AOX1: variants seen among roughly 807,000 people sequenced by gnomAD.
The protein encoded by AOX1 is aldehyde oxidase 1, also known as aldehyde oxidase.
In AOX1, 153 loss-of-function variants were observed where a neutral mutation model predicts 169.5. That is an observed-to-expected ratio of 0.90 (90% confidence interval 0.79 to 1.03). The LOEUF (loss-of-function observed/expected upper bound fraction) is 1.03, where lower values mean the gene tolerates loss of function less well. AOX1 is among the 50% of genes least tolerant of loss of function. The probability of loss-of-function intolerance (pLI) is 0.00; values close to 1 mark genes in which losing one functional copy is unlikely to be tolerated. For synonymous variants in AOX1, 562 were observed against 581.9 expected (o/e 0.97, Z 0.49); for missense variants, 1,656 against 1,663.9 (o/e 1.00, Z 0.08).
chr2:200,674,547 T>C (rs923672005), downstream of AOX1, among the ~76,000 whole-genome samples: 11 of 152,314 alleles, frequency 7.2e-5, no homozygotes, highest in Non-Finnish European at 5.9e-5. Flanking sequence ...AAGCTCCCAC[T>C]GTGAAAGATT....
intron 26 of AOX1, among the ~76,000 whole-genome samples, chr2:200,653,704 T>G (rs1389012940): frequency 6.6e-6 from 1 of 152,202 alleles, no homozygotes; most frequent in Non-Finnish European, 1.5e-5. Context: ...GCACTCTGCT[T>G]TATTGCACTT....
Position 200,668,796 on chromosome 2 carries a change from C to T in AOX1, c.3791C>T (p.Ser1264Leu), listed in dbSNP as rs1031719399. The part of the protein sequence containing the change: ...PPSQNSNTLY[S>L]SKGLGESGVF... ...TCTCAAAACTCAAATACTCTTTATT[C>T]ATCTAAGGTAAGTAATGTTCTATGG... Residue 1264 changes from serine (S) to leucine (L), a missense_variant, in exon 33 of 35, where the codon TCA (serine) becomes TTA (leucine). Transcript: ENST00000374700. 8 of 1,613,668 alleles carry T rather than the reference C, an allele frequency of 5.0e-6. No homozygotes were observed. The highest frequency in any genetic ancestry group is 5.9e-6 in the Non-Finnish European group (7 of 1,179,770).
At position 200,613,447 on chromosome 2, in the gene AOX1, C is replaced by T. The variant is rs1179332720; in HGVS notation, c.1449-357C>T. On this transcript the variant is annotated intron_variant, in intron 14 of 34. Coordinates refer to ENST00000374700, the MANE Select transcript of AOX1 (RefSeq NM_001159.4). The stretch of plus-strand genomic sequence containing the variant: ...GTTGAGAGGATTAAATGAGTGAATA[C>T]ATATAAGGTGCTAAAAGCAGATCTT... Among the ~76,000 whole-genome samples, 3 of 152,108 alleles carry T rather than the reference C, an allele frequency of 2.0e-5. No homozygotes were observed. In the East Asian group the frequency reaches 5.8e-4, roughly 29 times the overall value.
At chr2:200,657,190 A>ATATATATATATATATATTTTTT in intron 27 of AOX1, among the ~76,000 whole-genome samples, 137 of 62,822 alleles carry the variant, frequency 2.2e-3, no homozygotes, top group Non-Finnish European at 3.1e-3. Flanking sequence ...ATATATATAT[A>ATATATATATATATATATTTTTT]TTTTTTTTTT....
At chr2:200,644,345 C>T (rs1049510409) in intron 25 of AOX1, among the ~76,000 whole-genome samples, 3 of 152,036 alleles carry the variant, frequency 2.0e-5, no homozygotes, top group African/African-American at 4.8e-5. Context: ...CGTTTTTGTT[C>T]GCTTTGTCAA....
intron 12 of AOX1, among the ~76,000 whole-genome samples, chr2:200,609,637 T>C (rs923502456): frequency 2.0e-5 from 3 of 152,166 alleles, no homozygotes; most frequent in Non-Finnish European, 4.4e-5. Context: ...TTTTTCCTCA[T>C]ACTGGTCACC....
intron 21 of AOX1, among the ~76,000 whole-genome samples, chr2:200,636,668 T>C (rs2035240025): frequency 6.6e-6 from 1 of 152,214 alleles, no homozygotes; most frequent in Non-Finnish European, 1.5e-5. Context: ...AGCCAAGTAT[T>C]GCTGAGATCA....
At chr2:200,609,450 G>C (rs2034586455) in intron 12 of AOX1, 36 bp downstream of exon 12, 1 of 1,563,234 alleles carries the variant, frequency 6.4e-7, no homozygotes. Context: ...TTATTAAGCT[G>C]TTTCTCTACC....
At chr2:200,629,751 T>C (rs2470898) in intron 20 of AOX1, among the ~76,000 whole-genome samples, 152,282 of 152,284 alleles carry the variant, frequency 1, 76,140 homozygotes, top group Non-Finnish European at 1. Context: ...GGTTCCTTGT[T>C]TCATGTTTGT....
Position 200,659,789 on chromosome 2 carries a change from C to CACACACAT in AOX1, c.3301-199_3301-198insTACACACA, listed in dbSNP as rs1470567004. ...CTTACAAGGCCAGTTCTCTCTCTCA[C>CACACACAT]ACACACACACACACACACACACACA... On this transcript the variant is annotated intron_variant, in intron 28 of 34. Coordinates refer to ENST00000374700, the MANE Select transcript of AOX1 (RefSeq NM_001159.4). 6.2e-3 allele frequency among the ~76,000 whole-genome samples: 447 copies of CACACACAT among 72,462 alleles called. 3 individuals carry two copies. Among genetic ancestry groups the CACACACAT allele is most frequent in the African/African-American group, 0.016 (338 of 20,864 alleles). 47.5% of individuals were successfully genotyped at this position (72,462 alleles called of 152,430 possible).
At chr2:200,586,741 G>A (rs2034042656) in intron 1 of AOX1, among the ~76,000 whole-genome samples, 1 of 152,194 alleles carries the variant, frequency 6.6e-6, no homozygotes, top group Admixed American at 6.5e-5. Flanking sequence ...CAGGCTCTGG[G>A]GGCTCCAAGG....
Position 200,620,770 on chromosome 2 carries a change from G to A in AOX1, c.1825G>A (p.Glu609Lys). The A allele has an allele frequency of 1.2e-6, 2 of 1,609,152 alleles. No individual in the cohort carries two copies. Among genetic ancestry groups the A allele is most frequent in the Non-Finnish European group, 1.7e-6 (2 of 1,178,538 alleles). Reference protein sequence around the residue: ...YCDDMPLVDQELFLTFVTSSR... With the variant: ...YCDDMPLVDQKLFLTFVTSSR... ...TGATGACATGCCTCTGGTGGACCAG[G>A]AACTTTTCTTGACTTTTGTGACTAG... The change falls in exon 17 of 35, where the codon GAA becomes AAA. Residue 609 changes from glutamate (E) to lysine (K), a missense_variant. By Grantham distance (56) the Glu-to-Lys change is moderately conservative. Transcript: ENST00000374700.
Position 200,623,940 on chromosome 2 carries a change from A to G in AOX1, c.2081A>G (p.Lys694Arg), listed in dbSNP as rs1478408151. Reference protein sequence around the residue: ...VQAKRAAKRVKIVYQDLEPLI... With the variant: ...VQAKRAAKRVRIVYQDLEPLI... ...GCAAAGCGAGCTGCTAAGCGAGTGA[A>G]GATTGTCTATCAAGACTTGGAGCCG... The change falls in exon 19 of 35, where the codon AAG (lysine) becomes AGG (arginine). Residue 694 changes from lysine to arginine, a missense_variant. Coordinates refer to ENST00000374700, the MANE Select transcript of AOX1 (RefSeq NM_001159.4). The G allele has an allele frequency of 1.2e-6, 2 of 1,614,148 alleles. No homozygotes were observed. The highest frequency in any genetic ancestry group is 2.2e-5 in the South Asian group (2 of 91,082).
intron 34 of AOX1, among the ~76,000 whole-genome samples, chr2:200,670,120 C>T (rs985486987): frequency 6.6e-6 from 1 of 152,094 alleles, no homozygotes; most frequent in Non-Finnish European, 1.5e-5. Flanking sequence ...TGACAGTCTG[C>T]CTCCACCCCA....
chr2:200,616,333 G>A (rs1232675956), intron 16 of AOX1, among the ~76,000 whole-genome samples: 6 of 152,216 alleles, frequency 3.9e-5, no homozygotes, highest in African/African-American at 7.2e-5. Flanking sequence ...CCACAGACAC[G>A]CATGAGATGG....
chr2:200,640,149 G>A (rs2035326526), intron 23 of AOX1, among the ~76,000 whole-genome samples: 1 of 152,060 alleles, frequency 6.6e-6, no homozygotes, highest in Admixed American at 6.6e-5. Flanking sequence ...ATAGAGGCAA[G>A]AGTAAGGGGA....
At chr2:200,594,304 T>C (rs2034234608) in intron 2 of AOX1, among the ~76,000 whole-genome samples, 1 of 152,136 alleles carries the variant, frequency 6.6e-6, no homozygotes, top group South Asian at 2.1e-4. Flanking sequence ...ATGGGAAGCA[T>C]GGTCTTAATG....
In AOX1 at chr2:200,605,535, G is replaced by A; in HGVS notation, c.815-1G>A. ...ATTTTTTTTTTTTTTTGATCCTTTA[G>A]GGCCTGAAGTGAAATTTAAAGGCGT... is the stretch of plus-strand genomic sequence containing the variant. On this transcript the variant is annotated splice_acceptor_variant, in intron 9 of 34. Coordinates refer to ENST00000374700, the MANE Select transcript of AOX1 (RefSeq NM_001159.4). LOFTEE classifies it high-confidence loss of function. The A allele has an allele frequency of 6.7e-7, 1 of 1,496,216 alleles. No homozygotes were observed. Among genetic ancestry groups the A allele is most frequent in the Non-Finnish European group, 8.9e-7 (1 of 1,117,716 alleles). 92.7% of individuals were successfully genotyped at this position (1,496,216 alleles called of 1,614,324 possible). A position where few individuals can be genotyped will look rare whatever the true frequency, so the allele number is the denominator to read the frequency against.
chr2:200,600,679 C>T (rs990092182), intron 5 of AOX1, among the ~76,000 whole-genome samples: 6 of 152,112 alleles, frequency 3.9e-5, no homozygotes, highest in Admixed American at 2.6e-4. Context: ...AAAACCAGAA[C>T]AAATGGATGT....
Sources: allele counts gnomAD v4.1 joint callset (sites outside exome capture counted in the v4.1 genomes callset), GRCh38; gene constraint gnomAD v4.1.1; transcripts MANE v1.5; gene names NCBI Gene and HGNC (gene_info 2026-07-23, HGNC 2026-07-21).